CNOT2: variants seen among roughly 807,000 people sequenced by gnomAD.
CNOT2 encodes CC chemokine receptor 4-negative regulator of transcription 2.
A neutral mutation model predicts 72.1 loss-of-function variants in CNOT2; 7 were observed. The ratio of observed to expected loss-of-function variants is 0.10; its 90% CI spans 0.06 to 0.18. The LOEUF (loss-of-function observed/expected upper bound fraction) is 0.18, where lower values mean the gene tolerates loss of function less well. CNOT2 is among the 10% of genes least tolerant of loss of function. CNOT2 has a pLI of 1.00. For synonymous variants in CNOT2, 196 were observed against 225.6 expected, an observed-to-expected ratio of 0.87 and a Z score of 1.17; for missense variants, 345 against 660.3, an observed-to-expected ratio of 0.52 and a Z score of 5.23.
chr12:70,308,586 A>T (rs11178185), intron 2 of CNOT2, among the ~76,000 whole-genome samples: 10,743 of 132,946 alleles, frequency 0.081, 479 homozygotes, highest in East Asian at 0.15. Flanking sequence ...TCTCTCTCTC[A>T]CACACACACA....
intron 6 of CNOT2, 183 bp from the exon 7 acceptor site, chr12:70,332,584 A>T: frequency 1.1e-6 from 1 of 916,828 alleles, no homozygotes; most frequent in Non-Finnish European, 1.4e-6. Flanking sequence ...TCATTTGTTC[A>T]TGGAAGGACT....
chr12:70,304,170 G>C (rs190512328), intron 2 of CNOT2, among the ~76,000 whole-genome samples: 1 of 151,992 alleles, frequency 6.6e-6, no homozygotes, highest in Admixed American at 6.5e-5. Flanking sequence ...GTTCGGAGTA[G>C]TTTGATCTTC....
chr12:70,316,272 A>G (rs1877311089), intron 3 of CNOT2, among the ~76,000 whole-genome samples: 1 of 152,170 alleles, frequency 6.6e-6, no homozygotes, highest in Admixed American at 6.5e-5. Context: ...TTACCTTTAT[A>G]TTATTAACTT....
At chr12:70,248,403 T>C (rs1484043724) in intron 1 of CNOT2, among the ~76,000 whole-genome samples, 3 of 152,160 alleles carry the variant, frequency 2.0e-5, no homozygotes, top group African/African-American at 7.2e-5. Flanking sequence ...TGAGAAAATA[T>C]CAACTGGAAT....
rs1565836971 is a variant in CNOT2 at position 70,346,291 on chromosome 12, C to T, written c.1503C>T (p.Phe501=). ...TNTYERGTYY[F]FDCLNWRKVA... is the part of the protein sequence containing the mutation. The stretch of plus-strand genomic sequence containing the variant: ...CCTATGAGAGGGGAACATATTACTT[C>T]TTTGACTGTCTTAACTGGAGGAAAG... The change falls in exon 15 of 16, where the codon TTC becomes TTT. Residue 501 remains phenylalanine (F), a synonymous_variant. Coordinates refer to ENST00000229195, the MANE Select transcript of CNOT2 (RefSeq NM_014515.7). The T allele has an allele frequency of 6.2e-7, 1 of 1,612,592 alleles. No homozygotes were observed. Among genetic ancestry groups the T allele is most frequent in the East Asian group, 2.2e-5 (1 of 44,836 alleles).
At chr12:70,343,197 T>C (rs1256518477) in intron 13 of CNOT2, among the ~76,000 whole-genome samples, 1 of 152,170 alleles carries the variant, frequency 6.6e-6, no homozygotes, top group African/African-American at 2.4e-5. Flanking sequence ...TTATTACCAA[T>C]TTGAGAAATA....
intron 2 of CNOT2, among the ~76,000 whole-genome samples, chr12:70,309,531 C>T (rs1007857319): frequency 1.3e-5 from 2 of 152,050 alleles, no homozygotes; most frequent in Non-Finnish European, 2.9e-5. Flanking sequence ...TAGTTCACCA[C>T]GTCTACTGAT....
At chr12:70,352,734 G>A (rs775446379) in intron 15 of CNOT2, among the ~76,000 whole-genome samples, 5 of 152,194 alleles carry the variant, frequency 3.3e-5, no homozygotes, top group Non-Finnish European at 2.9e-5. Flanking sequence ...TATTGGGGTT[G>A]CAGAGGTATT....
intron 15 of CNOT2, among the ~76,000 whole-genome samples, chr12:70,352,171 C>T (rs1882949666): frequency 6.6e-6 from 1 of 152,090 alleles, no homozygotes; most frequent in African/African-American, 2.4e-5. Flanking sequence ...TAATGTGTTA[C>T]ACTACAAAAG....
At chr12:70,321,450 G>A (rs1324579610) in intron 4 of CNOT2, 1 of 151,830 alleles carries the variant, frequency 6.6e-6, no homozygotes, top group East Asian at 1.9e-4. Flanking sequence ...TGAGGGTTAA[G>A]GTTTTAATAA....
intron 15 of CNOT2, among the ~76,000 whole-genome samples, chr12:70,348,961 A>G (rs1041776542): frequency 6.6e-6 from 1 of 152,074 alleles, no homozygotes; most frequent in Non-Finnish European, 1.5e-5. Flanking sequence ...AATGTGAGAA[A>G]TAATATCATT....
chr12:70,251,153 T>G (rs1033251000), intron 1 of CNOT2, among the ~76,000 whole-genome samples: 7 of 152,212 alleles, frequency 4.6e-5, no homozygotes, highest in Non-Finnish European at 1.0e-4. Context: ...TAGATTTTCT[T>G]GTACAGTCCA....
At chr12:70,335,356 C>A in intron 7 of CNOT2, 82 bp from the exon 8 acceptor site, 1 of 1,049,692 alleles carries the variant, frequency 9.5e-7, no homozygotes, top group Admixed American at 1.8e-5. Context: ...GCAATCATTT[C>A]GAATTATATT....
chr12:70,305,693 ATAGT>A (rs569309676), intron 2 of CNOT2, among the ~76,000 whole-genome samples: 10 of 152,086 alleles, frequency 6.6e-5, no homozygotes, highest in African/African-American at 9.7e-5. Flanking sequence ...GGGTTCTAAG[ATAGT>A]TAGTGCTGCA....
chr12:70,320,955 T>C (rs944632175), intron 4 of CNOT2, among the ~76,000 whole-genome samples: 4 of 151,868 alleles, frequency 2.6e-5, no homozygotes, highest in African/African-American at 9.7e-5. Flanking sequence ...AATGCAGTTA[T>C]ATCATTGGTA....
intron 15 of CNOT2, among the ~76,000 whole-genome samples, chr12:70,351,043 G>A (rs959258581): frequency 6.6e-6 from 1 of 152,110 alleles, no homozygotes; most frequent in Non-Finnish European, 1.5e-5. Context: ...AAGAACTAAG[G>A]TATGAAAAAG....
intron 3 of CNOT2, among the ~76,000 whole-genome samples, chr12:70,311,264 A>G (rs1205009674): frequency 6.6e-6 from 1 of 152,044 alleles, no homozygotes; most frequent in African/African-American, 2.4e-5. Context: ...GAAGTACTCA[A>G]AGACATGGAG....
chr12:70,264,908 C>T (rs537885658), intron 1 of CNOT2, among the ~76,000 whole-genome samples: 1 of 151,998 alleles, frequency 6.6e-6, no homozygotes, highest in South Asian at 2.1e-4. Flanking sequence ...TTTTTGTTTT[C>T]TTTTCAAGCA....
chr12:70,274,443 A>G (rs894545630), intron 1 of CNOT2, among the ~76,000 whole-genome samples: 2 of 151,866 alleles, frequency 1.3e-5, no homozygotes, highest in Admixed American at 6.6e-5. Flanking sequence ...AAAAGAGAAA[A>G]CCTGTTCAGC....
Sources: gnomAD v4.1 joint callset for allele counts (sites outside exome capture counted in the v4.1 genomes callset) on GRCh38, gnomAD v4.1.1 for gene constraint, MANE v1.5 for transcripts, NCBI Gene and HGNC (gene_info 2026-07-23, HGNC 2026-07-21) for gene names.